The following FRMD3 variants were observed in gnomAD, a reference collection of about 807,000 sequenced individuals.
FRMD3 encodes the protein FERM domain containing 3, also known as FERM domain-containing protein 3.
In FRMD3, 33 loss-of-function variants were observed where a neutral mutation model predicts 70.2. That is an observed-to-expected ratio of 0.47 (90% CI 0.36 to 0.63). The LOEUF (loss-of-function observed/expected upper bound fraction) is 0.63. FRMD3 is among the 20% of genes least tolerant of loss of function. The pLI, the probability that FRMD3 is intolerant of heterozygous loss-of-function variation, is 0.00. For synonymous variants in FRMD3, 279 were observed against 255.9 expected, an observed-to-expected ratio of 1.09 and a Z score of -0.86; for missense variants, 632 against 711.4, an observed-to-expected ratio of 0.89 and a Z score of 1.27.
Position 83,290,503 on chromosome 9 carries a change from A to T in FRMD3, c.1195+100T>A. The T allele has an allele frequency of 2.2e-6, 3 of 1,351,830 alleles. No individual in the cohort carries two copies. The South Asian group carries it at 3.5e-5, about 16-fold the overall frequency. The allele number at this position is 1,351,830 out of a possible 1,614,324, so 83.7% of individuals were successfully genotyped here. ...TAGTTTATGGCCCACTCCACCCCAT[A>T]CACTAATCAATTACCCATCATATGC... On this transcript the variant is annotated intron_variant, in intron 13 of 13. Coordinates refer to ENST00000304195, the MANE Select transcript of FRMD3 (RefSeq NM_174938.6).
At chr9:83,337,850 G>A (rs1271909838) in intron 5 of FRMD3, among the ~76,000 whole-genome samples, 1 of 151,990 alleles carries the variant, frequency 6.6e-6, no homozygotes, top group Non-Finnish European at 1.5e-5. Flanking sequence ...CCACAGCGAG[G>A]GAAGACTTCT....
chr9:83,265,542 A>T (rs1172081165), intron 13 of FRMD3, among the ~76,000 whole-genome samples: 1 of 152,158 alleles, frequency 6.6e-6, no homozygotes, highest in Non-Finnish European at 1.5e-5. Context: ...AAATACTACA[A>T]TCTATAAGGA....
At chr9:83,481,247 A>C (rs1252658872) in intron 1 of FRMD3, among the ~76,000 whole-genome samples, 2 of 152,222 alleles carry the variant, frequency 1.3e-5, no homozygotes, top group African/African-American at 4.8e-5. Flanking sequence ...TAAACAAATA[A>C]GTAAAAGGGA....
chr9:83,440,258 C>T (rs1265343711), intron 1 of FRMD3, among the ~76,000 whole-genome samples: 5 of 152,242 alleles, frequency 3.3e-5, no homozygotes. Context: ...TTGGACCAAA[C>T]TGTCATTTAG....
At chr9:83,376,008 A>G (rs761937780) in intron 2 of FRMD3, among the ~76,000 whole-genome samples, 8 of 151,912 alleles carry the variant, frequency 5.3e-5, no homozygotes, top group African/African-American at 1.2e-4. Flanking sequence ...AAAAATACAA[A>G]AATTAGCCTG....
chr9:83,288,086 A>T (rs1834286785), intron 13 of FRMD3, among the ~76,000 whole-genome samples: 1 of 152,244 alleles, frequency 6.6e-6, no homozygotes, highest in Non-Finnish European at 1.5e-5. Context: ...GAGATGAAAC[A>T]AAATTCTTCA....
chr9:83,291,087 T>C lies in FRMD3; in HGVS notation c.1071-360A>G, dbSNP rs149870127. On this transcript the variant is annotated intron_variant, in intron 12 of 13. Transcript: ENST00000304195. ...TGAACTAGATATGTAGAAAAGTGAATGAAGGGCATGGCTCAGAGAAATTTA... is the reference window on the plus strand; with the variant it reads ...TGAACTAGATATGTAGAAAAGTGAACGAAGGGCATGGCTCAGAGAAATTTA... 4.4e-3 allele frequency among the ~76,000 whole-genome samples: 676 copies of C among 152,242 alleles called. 5 individuals are homozygous for C. Among genetic ancestry groups the C allele is most frequent in the African/African-American group, 0.015 (619 of 41,542 alleles).
At chr9:83,456,965 G>A (rs183319143) in intron 1 of FRMD3, among the ~76,000 whole-genome samples, 1 of 149,004 alleles carries the variant, frequency 6.7e-6, no homozygotes, top group East Asian at 1.9e-4. Context: ...GGGCATCACA[G>A]TAAGATCCTG....
intron 2 of FRMD3, among the ~76,000 whole-genome samples, chr9:83,383,438 A>C (rs190289974): frequency 6.6e-6 from 1 of 152,268 alleles, no homozygotes; most frequent in Non-Finnish European, 1.5e-5. Context: ...TAAAATAGTC[A>C]TTTTCTAACC....
At chr9:83,267,288 T>G in intron 13 of FRMD3, 1 of 1,474,862 alleles carries the variant, frequency 6.8e-7, no homozygotes, top group Non-Finnish European at 9.0e-7. Flanking sequence ...AAATAACTCA[T>G]GAGGGATCAG....
At chr9:83,243,056 G>C (rs7030534), downstream of FRMD3, 13 of 743,434 alleles carry the variant, frequency 1.7e-5, no homozygotes, top group African/African-American at 2.3e-4. Flanking sequence ...CCTAAGCAAG[G>C]TTCCTTTCTT....
At position 83,466,039 on chromosome 9, in the gene FRMD3, C is replaced by T. The variant is rs559377647; in HGVS notation, c.147+72046G>A. Among the ~76,000 whole-genome samples the T allele has an allele frequency of 2.2e-4, 33 of 152,318 alleles. No homozygotes were observed. The South Asian group carries it at 6.6e-3, about 31-fold the overall frequency. Reference sequence around the variant, plus strand: ...TTCACATCCACCAACAGCTGGGCTTCCTGCAGCACCTGGGTTCATCAATAC... The same window carrying T: ...TTCACATCCACCAACAGCTGGGCTTTCTGCAGCACCTGGGTTCATCAATAC... On this transcript the variant is annotated intron_variant, in intron 1 of 13. Coordinates refer to ENST00000304195, the MANE Select transcript of FRMD3 (RefSeq NM_174938.6).
chr9:83,340,540 G>A (rs1823720961), intron 5 of FRMD3, among the ~76,000 whole-genome samples: 2 of 152,200 alleles, frequency 1.3e-5, no homozygotes, highest in African/African-American at 4.8e-5. Flanking sequence ...GATTTCTACA[G>A]GGGTTGAACA....
chr9:83,282,647 A>G (rs1475073504), intron 13 of FRMD3, among the ~76,000 whole-genome samples: 1 of 152,170 alleles, frequency 6.6e-6, no homozygotes, highest in Non-Finnish European at 1.5e-5. Flanking sequence ...TGGATGAGGA[A>G]AATGAAGCTC....
intron 1 of FRMD3, among the ~76,000 whole-genome samples, chr9:83,535,486 C>T (rs1043934409): frequency 1.3e-5 from 2 of 152,154 alleles, no homozygotes; most frequent in Non-Finnish European, 2.9e-5. Flanking sequence ...ACAACTAACA[C>T]ATGTCCAAGA....
chr9:83,330,853 T>A (rs960727173), intron 6 of FRMD3, among the ~76,000 whole-genome samples: 3 of 152,186 alleles, frequency 2.0e-5, no homozygotes, highest in Non-Finnish European at 4.4e-5. Flanking sequence ...TATCATCTAG[T>A]TCACATGATA....
intron 3 of FRMD3, among the ~76,000 whole-genome samples, chr9:83,354,777 T>C (rs74679073): frequency 0.037 from 5,644 of 152,206 alleles, 347 homozygotes; most frequent in African/African-American, 0.13. Context: ...TGGGAAAGAA[T>C]AAAGCCAAGA....
intron 1 of FRMD3, among the ~76,000 whole-genome samples, chr9:83,505,685 G>A (rs376814423): frequency 1.3e-5 from 2 of 152,208 alleles, no homozygotes; most frequent in African/African-American, 4.8e-5. Flanking sequence ...GGTGCTGCCT[G>A]AGCACTTCAT....
intron 1 of FRMD3, among the ~76,000 whole-genome samples, chr9:83,529,662 T>A (rs12551989): frequency 0.051 from 7,764 of 152,228 alleles, 311 homozygotes; most frequent in East Asian, 0.21. Flanking sequence ...TTGGACTTTA[T>A]CAAAATTAAA....
Sources: allele counts gnomAD v4.1 joint callset (sites outside exome capture counted in the v4.1 genomes callset), GRCh38; gene constraint gnomAD v4.1.1; transcripts MANE v1.5; gene names NCBI Gene and HGNC (gene_info 2026-07-23, HGNC 2026-07-21).